The following MMP16 variants were observed in gnomAD, a reference collection of about 807,000 sequenced individuals.
MMP16 encodes the protein matrix metallopeptidase 16.
A neutral mutation model predicts 67.8 loss-of-function variants in MMP16; 12 were observed. The ratio of observed to expected loss-of-function variants is 0.18; its 90% CI spans 0.11 to 0.29. The LOEUF (loss-of-function observed/expected upper bound fraction) is 0.29. MMP16 is among the 10% of genes least tolerant of loss of function. MMP16 has a pLI of 1.00. For synonymous variants in MMP16, 249 were observed against 255.9 expected (o/e 0.97, Z 0.26); for missense variants, 475 against 765.7 (o/e 0.62, Z 4.48).
At chr8:88,324,815 T>A (rs1811512952) in intron 1 of MMP16, among the ~76,000 whole-genome samples, 1 of 152,130 alleles carries the variant, frequency 6.6e-6, no homozygotes. Context: ...CCCGTCATTC[T>A]GTGTTCTTGA....
intron 1 of MMP16, among the ~76,000 whole-genome samples, chr8:88,289,727 CA>C (rs1563585478): frequency 3.5e-5 from 5 of 141,108 alleles, no homozygotes; most frequent in South Asian, 2.3e-4. Flanking sequence ...CACACACACA[CA>C]CACCCCACTC....
intron 1 of MMP16, among the ~76,000 whole-genome samples, chr8:88,312,389 C>G (rs1811308818): frequency 6.6e-6 from 1 of 152,068 alleles, no homozygotes; most frequent in Admixed American, 6.6e-5. Flanking sequence ...ATGTAACTAC[C>G]AGCAGTTATC....
chr8:88,262,829 C>T (rs191890718), intron 1 of MMP16, among the ~76,000 whole-genome samples: 437 of 116,766 alleles, frequency 3.7e-3, no homozygotes, highest in Non-Finnish European at 5.2e-3. Context: ...GGTGAAACCC[C>T]GTCTCTACTA....
chr8:88,240,457 G>A (rs1158964309), intron 1 of MMP16, among the ~76,000 whole-genome samples: 2 of 152,178 alleles, frequency 1.3e-5, no homozygotes, highest in African/African-American at 4.8e-5. Context: ...CAAGGACAGA[G>A]TGGAGAGGGA....
chr8:88,314,983 C>T (rs369091217), intron 1 of MMP16, among the ~76,000 whole-genome samples: 1 of 152,152 alleles, frequency 6.6e-6, no homozygotes, highest in African/African-American at 2.4e-5. Context: ...GAAACTCTCT[C>T]AAGGCAGCAA....
At chr8:88,083,074 A>G (rs1808780081) in intron 6 of MMP16, among the ~76,000 whole-genome samples, 2 of 152,172 alleles carry the variant, frequency 1.3e-5, no homozygotes, top group South Asian at 4.1e-4. Flanking sequence ...AACTATTATA[A>G]GACAAAAGTT....
intron 1 of MMP16, among the ~76,000 whole-genome samples, chr8:88,282,969 CT>C (rs2129998381): frequency 6.6e-6 from 1 of 152,064 alleles, no homozygotes; most frequent in South Asian, 2.1e-4. Context: ...CTATGGCTTT[CT>C]TTTTTATATA....
intron 1 of MMP16, among the ~76,000 whole-genome samples, chr8:88,198,351 C>G (rs1233111308): frequency 6.6e-6 from 1 of 152,018 alleles, no homozygotes; most frequent in Non-Finnish European, 1.5e-5. Flanking sequence ...TTGATAAGGG[C>G]CAAGTAATTC....
At chr8:88,162,276 C>T (rs879567381) in intron 4 of MMP16, among the ~76,000 whole-genome samples, 1 of 151,762 alleles carries the variant, frequency 6.6e-6, no homozygotes, top group Admixed American at 6.6e-5. Flanking sequence ...TTTTGATTAC[C>T]AGTGTTGTAA....
intron 1 of MMP16, among the ~76,000 whole-genome samples, chr8:88,292,417 C>T (rs538895500): frequency 1.2e-4 from 18 of 152,254 alleles, no homozygotes; most frequent in African/African-American, 4.1e-4. Flanking sequence ...ATACTTAACC[C>T]GTGTGAACAC....
intron 1 of MMP16, among the ~76,000 whole-genome samples, chr8:88,199,071 C>G (rs1809300751): frequency 6.6e-6 from 1 of 151,960 alleles, no homozygotes; most frequent in Non-Finnish European, 1.5e-5. Flanking sequence ...AAACTGAATG[C>G]TTTTTCCATA....
chr8:88,209,143 GA>G (rs906624012), intron 1 of MMP16, among the ~76,000 whole-genome samples: 2 of 152,050 alleles, frequency 1.3e-5, no homozygotes, highest in Non-Finnish European at 2.9e-5. Context: ...CATTTTTAGA[GA>G]AAAGGCAAAA....
At chr8:88,088,424 T>C (rs1324726872) in intron 6 of MMP16, among the ~76,000 whole-genome samples, 1 of 151,942 alleles carries the variant, frequency 6.6e-6, no homozygotes, top group Non-Finnish European at 1.5e-5. Flanking sequence ...CAAAGTTACT[T>C]GTCAACAAAT....
chr8:88,203,183 A>AAC (rs1223514945), intron 1 of MMP16, among the ~76,000 whole-genome samples: 1 of 137,960 alleles, frequency 7.2e-6, no homozygotes, highest in Non-Finnish European at 1.5e-5. Flanking sequence ...GGCTCACTTC[A>AAC]ACCTCCGTCA....
intron 1 of MMP16, among the ~76,000 whole-genome samples, chr8:88,300,662 A>T (rs1397366639): frequency 6.6e-6 from 1 of 152,168 alleles, no homozygotes; most frequent in Non-Finnish European, 1.5e-5. Flanking sequence ...TACAGAAAAA[A>T]ATATATATGT....
Position 88,036,988 on chromosome 8 carries a change from C to T in MMP16, c.*4473G>A, listed in dbSNP as rs1808063299. On this transcript the variant is annotated 3_prime_UTR_variant, in exon 10 of 10. Coordinates refer to ENST00000286614, the MANE Select transcript of MMP16 (RefSeq NM_005941.5). ...TTAAAATATATATTTTTTCATGACT[C>T]AGTTTAACTCAGTCTGTCTGTCTGC... 1 of 151,184 alleles carries T rather than the reference C, an allele frequency of 6.6e-6. No individual in the cohort carries two copies. 9.4% of individuals were successfully genotyped at this position (151,184 alleles called of 1,614,324 possible).
At chr8:88,162,876 T>C (rs1037301761) in intron 4 of MMP16, among the ~76,000 whole-genome samples, 3 of 152,160 alleles carry the variant, frequency 2.0e-5, no homozygotes, top group African/African-American at 4.8e-5. Flanking sequence ...ATGTCTCCCA[T>C]ACAGCATGTA....
intron 2 of MMP16, among the ~76,000 whole-genome samples, chr8:88,194,282 A>T (rs1354984484): frequency 6.6e-6 from 1 of 152,242 alleles, no homozygotes; most frequent in African/African-American, 2.4e-5. Flanking sequence ...GTCTAAAATT[A>T]GACAAGAGTT....
intron 1 of MMP16, among the ~76,000 whole-genome samples, chr8:88,326,677 A>C (rs1811544035): frequency 6.6e-6 from 1 of 152,164 alleles, no homozygotes; most frequent in African/African-American, 2.4e-5. Context: ...ACTGGGAGAA[A>C]GATTTCAGGA....
Sources: allele counts gnomAD v4.1 joint callset (sites outside exome capture counted in the v4.1 genomes callset), GRCh38; gene constraint gnomAD v4.1.1; transcripts MANE v1.5; gene names NCBI Gene and HGNC (gene_info 2026-07-23, HGNC 2026-07-21).